The following ABI1 variants were observed in gnomAD, a reference collection of about 807,000 sequenced individuals.
The protein encoded by ABI1 is abl interactor 1.
ABI1 carries 14 observed loss-of-function variants against 54.6 expected under a neutral mutation model. That is an observed-to-expected ratio of 0.26 (90% CI 0.17 to 0.40). The LOEUF is 0.40. Ranked by LOEUF, ABI1 falls within the 10% of genes least tolerant of loss-of-function variation. ABI1 has a pLI of 1.00. For missense variants in ABI1, 443 were observed against 598.3 expected, an observed-to-expected ratio of 0.74 and a Z score of 2.71; for synonymous variants, 194 against 209.3, an observed-to-expected ratio of 0.93 and a Z score of 0.63.
At chr10:26,846,494 C>T (rs747780351) in intron 1 of ABI1, among the ~76,000 whole-genome samples, 4 of 151,952 alleles carry the variant, frequency 2.6e-5, no homozygotes, top group Non-Finnish European at 5.9e-5. Context: ...AGGCAAGCAC[C>T]ACCATGTCTG....
chr10:26,838,914 T>G (rs1167996126), intron 1 of ABI1, among the ~76,000 whole-genome samples: 1 of 152,180 alleles, frequency 6.6e-6, no homozygotes, highest in African/African-American at 2.4e-5. Flanking sequence ...CATTTATAAT[T>G]CTAAAAATGA....
intron 9 of ABI1, among the ~76,000 whole-genome samples, chr10:26,755,156 C>T (rs183950900): frequency 1.6e-4 from 24 of 152,240 alleles, no homozygotes; most frequent in African/African-American, 5.1e-4. Context: ...TGAACCTTTA[C>T]GTAGGTTCAA....
chr10:26,764,979 A>G (rs188037575), intron 7 of ABI1, among the ~76,000 whole-genome samples: 2 of 152,334 alleles, frequency 1.3e-5, no homozygotes, highest in Admixed American at 6.5e-5. Context: ...GCCAACAAAA[A>G]GTTATTTAAC....
chr10:26,849,451 A>T (rs931576433), intron 1 of ABI1, among the ~76,000 whole-genome samples: 1 of 152,246 alleles, frequency 6.6e-6, no homozygotes, highest in Non-Finnish European at 1.5e-5. Flanking sequence ...ATGGAAGTAC[A>T]CATACAGTAC....
intron 1 of ABI1, among the ~76,000 whole-genome samples, chr10:26,844,984 A>G (rs1384026959): frequency 6.6e-6 from 1 of 152,180 alleles, no homozygotes; most frequent in East Asian, 1.9e-4. Flanking sequence ...GAATCTTCCC[A>G]AAGCACATCC....
chr10:26,774,631 G>T (rs12413383), intron 3 of ABI1, among the ~76,000 whole-genome samples: 1 of 151,598 alleles, frequency 6.6e-6, no homozygotes, highest in Non-Finnish European at 1.5e-5. Flanking sequence ...AACATGTACC[G>T]TTTATTTCAT....
At chr10:26,853,459 A>C (rs2050567019) in intron 1 of ABI1, among the ~76,000 whole-genome samples, 1 of 152,024 alleles carries the variant, frequency 6.6e-6, no homozygotes, top group South Asian at 2.1e-4. Flanking sequence ...ATATTAGGAA[A>C]AATATACAAC....
At chr10:26,859,170 C>T (rs2051095261) in intron 1 of ABI1, among the ~76,000 whole-genome samples, 1 of 151,776 alleles carries the variant, frequency 6.6e-6, no homozygotes. Context: ...ATAAAGTTTG[C>T]ACAAAGTGAT....
chr10:26,793,262 G>A (rs1843704663), intron 2 of ABI1, among the ~76,000 whole-genome samples: 1 of 152,208 alleles, frequency 6.6e-6, no homozygotes, highest in Non-Finnish European at 1.5e-5. Flanking sequence ...CCAAGAAAGA[G>A]ACAATCTTTG....
At chr10:26,797,525 A>C (rs1844348095) in intron 2 of ABI1, among the ~76,000 whole-genome samples, 1 of 152,174 alleles carries the variant, frequency 6.6e-6, no homozygotes, top group African/African-American at 2.4e-5. Context: ...ATGAAGTCCA[A>C]AGATAACAGC....
At chr10:26,853,639 C>T (rs1203313374) in intron 1 of ABI1, among the ~76,000 whole-genome samples, 8 of 151,414 alleles carry the variant, frequency 5.3e-5, no homozygotes, top group South Asian at 4.2e-4. Flanking sequence ...TCCGGGTTCA[C>T]GCCATTCAGC....
At position 26,761,661 on chromosome 10, in the gene ABI1, T is replaced by TACACACAC. The variant is rs1554806654; in HGVS notation, c.821-2431_821-2424dup. 2.1e-3 allele frequency among the ~76,000 whole-genome samples: 166 copies of TACACACAC among 78,826 alleles called. 2 individuals carry two copies. The highest frequency in any genetic ancestry group is 7.8e-3 in the Middle Eastern group (1 of 128). 51.7% of individuals were successfully genotyped at this position (78,826 alleles called of 152,430 possible). ...ATATATATATATATATATATATATA[T>TACACACAC]ACACACACACATACACATATATAAC... On this transcript the variant is annotated intron_variant, in intron 7 of 10. Coordinates refer to ENST00000376140, the MANE Select transcript of ABI1 (RefSeq NM_001012750.3).
rs1288714963 is a variant in ABI1, at chr10:26,748,319, A to G, written c.*251T>C. On this transcript the variant is annotated 3_prime_UTR_variant, in exon 11 of 11. Coordinates refer to ENST00000376140, the MANE Select transcript of ABI1 (RefSeq NM_001012750.3). ...CCCCCAGAATATTTAGGCTGGTCAT[A>G]AAGTTAAAAATGTGTAAGTAAGTAC... The G allele has an allele frequency of 2.9e-6, 1 of 340,004 alleles. No individual in the cohort carries two copies. The allele number at this position is 340,004 out of a possible 1,614,324, so 21.1% of individuals were successfully genotyped here.
At chr10:26,764,493 T>C (rs1839654189) in intron 7 of ABI1, among the ~76,000 whole-genome samples, 1 of 152,160 alleles carries the variant, frequency 6.6e-6, no homozygotes, top group African/African-American at 2.4e-5. Flanking sequence ...ATTAAAACTC[T>C]TAGAAACATA....
chr10:26,844,012 G>C (rs537007932), intron 1 of ABI1, among the ~76,000 whole-genome samples: 2 of 152,276 alleles, frequency 1.3e-5, no homozygotes, highest in South Asian at 4.1e-4. Flanking sequence ...CATCTTACCA[G>C]TGTTAAATTT....
At chr10:26,797,021 G>A (rs942004580) in intron 2 of ABI1, among the ~76,000 whole-genome samples, 11 of 152,292 alleles carry the variant, frequency 7.2e-5, no homozygotes, top group South Asian at 2.1e-4. Context: ...TATGCAGCCC[G>A]GTTCCTGACA....
chr10:26,859,475 C>A (rs2051120398), intron 1 of ABI1, among the ~76,000 whole-genome samples: 1 of 152,192 alleles, frequency 6.6e-6, no homozygotes, highest in South Asian at 2.1e-4. Context: ...CCTTTCAAAG[C>A]ACGTTTTGGC....
intron 8 of ABI1, among the ~76,000 whole-genome samples, chr10:26,757,204 GTACTAC>G (rs148369475): frequency 6.6e-6 from 1 of 151,450 alleles, no homozygotes; most frequent in Non-Finnish European, 1.5e-5. Flanking sequence ...AAACATTCAC[GTACTAC>G]TACTACTACT....
At chr10:26,765,147 T>A in intron 7 of ABI1, 71 bp downstream of exon 7, 1 of 1,111,872 alleles carries the variant, frequency 9.0e-7, no homozygotes, top group Non-Finnish European at 1.3e-6. Flanking sequence ...TATGACTAAT[T>A]TATTTCAGCC....
Sources: gnomAD v4.1 joint callset for allele counts (sites outside exome capture counted in the v4.1 genomes callset) on GRCh38, gnomAD v4.1.1 for gene constraint, MANE v1.5 for transcripts, NCBI Gene and HGNC (gene_info 2026-07-23, HGNC 2026-07-21) for gene names.